Variants in RGL1 observed in about 807,000 individuals in gnomAD.
RGL1 encodes the protein ral guanine nucleotide dissociation stimulator like 1.
A neutral mutation model predicts 95.2 loss-of-function variants in RGL1; 24 were observed. The observed-to-expected ratio is 0.25, with a 90% CI of 0.18 to 0.35. The LOEUF (loss-of-function observed/expected upper bound fraction) is 0.35. Among genes scored for constraint, RGL1 ranks in the 10% least tolerant of loss-of-function variants. The probability of loss-of-function intolerance (pLI) is 1.00; values close to 1 mark genes in which losing one functional copy is unlikely to be tolerated. For synonymous variants in RGL1, 329 were observed against 344.9 expected (o/e 0.95, Z 0.51); for missense variants, 715 against 936.3 (o/e 0.76, Z 3.08).
chr1:183,672,147 G>T (rs1652509223), intron 1 of RGL1, among the ~76,000 whole-genome samples: 1 of 151,940 alleles, frequency 6.6e-6, no homozygotes, highest in Admixed American at 6.6e-5. Context: ...TGGCCAGGCT[G>T]GTTTCAAACT....
chr1:183,915,362 G>A (rs1484448293), intron 15 of RGL1, among the ~76,000 whole-genome samples: 1 of 152,124 alleles, frequency 6.6e-6, no homozygotes, highest in East Asian at 1.9e-4. Flanking sequence ...ATAATAATGG[G>A]TATTTTAAAT....
intron 2 of RGL1, among the ~76,000 whole-genome samples, chr1:183,817,750 T>C (rs984714701): frequency 1.3e-5 from 2 of 152,236 alleles, no homozygotes; most frequent in East Asian, 3.8e-4. Flanking sequence ...TCCCTGAATC[T>C]ACTGACTGTG....
At chr1:183,686,191 T>A (rs568971017) in intron 1 of RGL1, among the ~76,000 whole-genome samples, 83 of 152,332 alleles carry the variant, frequency 5.4e-4, no homozygotes, top group African/African-American at 2.0e-3. Flanking sequence ...CCCTTTTGTG[T>A]CACTTTCTTT....
intron 2 of RGL1, among the ~76,000 whole-genome samples, chr1:183,831,794 T>TCTAGC (rs1323027282): frequency 9.2e-5 from 14 of 152,322 alleles, no homozygotes; most frequent in African/African-American, 3.1e-4. Context: ...TCTAGAGATT[T>TCTAGC]AAATATGAAT....
intron 1 of RGL1, among the ~76,000 whole-genome samples, chr1:183,660,205 CAA>C (rs1255641675): frequency 6.6e-6 from 1 of 152,048 alleles, no homozygotes; most frequent in African/African-American, 2.4e-5. Context: ...TCACCCATAA[CAA>C]TATTAATTTT....
chr1:183,712,402 T>A (rs1203895830), intron 1 of RGL1, among the ~76,000 whole-genome samples: 1 of 152,216 alleles, frequency 6.6e-6, no homozygotes, highest in Non-Finnish European at 1.5e-5. Context: ...TCAGCTGCAA[T>A]AACTCCTGCT....
chr1:183,642,374 G>A (rs1362582957), intron 1 of RGL1, among the ~76,000 whole-genome samples: 1 of 152,200 alleles, frequency 6.6e-6, no homozygotes, highest in Non-Finnish European at 1.5e-5. Flanking sequence ...TTTGGCCAAT[G>A]ATATTCAATC....
intron 2 of RGL1, among the ~76,000 whole-genome samples, chr1:183,789,398 C>T (rs368357664): frequency 1.3e-5 from 2 of 152,040 alleles, no homozygotes; most frequent in South Asian, 4.2e-4. Flanking sequence ...TGTAGTGAGC[C>T]GAGATTGTGC....
intron 4 of RGL1, among the ~76,000 whole-genome samples, chr1:183,879,587 G>T (rs1666709683): frequency 6.6e-6 from 1 of 152,180 alleles, no homozygotes; most frequent in Non-Finnish European, 1.5e-5. Context: ...TTAATGTATA[G>T]TCCCTGTCAT....
intron 1 of RGL1, among the ~76,000 whole-genome samples, chr1:183,669,212 G>A (rs1432570863): frequency 6.6e-6 from 1 of 152,096 alleles, no homozygotes. Context: ...AAAGTGCTGG[G>A]ATTACATGGA....
At chr1:183,760,117 T>A (rs1279935183) in intron 2 of RGL1, among the ~76,000 whole-genome samples, 1 of 152,230 alleles carries the variant, frequency 6.6e-6, no homozygotes, top group East Asian at 1.9e-4. Context: ...TACATTATAC[T>A]GTAGGCTATT....
At chr1:183,922,816 A>G (rs1669390517) in intron 17 of RGL1, among the ~76,000 whole-genome samples, 1 of 152,234 alleles carries the variant, frequency 6.6e-6, no homozygotes, top group Non-Finnish European at 1.5e-5. Flanking sequence ...TCAATTTTAA[A>G]ATAACACAAA....
At chr1:183,834,554 C>T (rs1663500912) in intron 2 of RGL1, among the ~76,000 whole-genome samples, 1 of 136,010 alleles carries the variant, frequency 7.4e-6, no homozygotes. Flanking sequence ...TTTCTTTACA[C>T]GTCATTAAAT....
intron 2 of RGL1, among the ~76,000 whole-genome samples, chr1:183,757,736 C>T (rs1658432666): frequency 2.0e-5 from 3 of 152,056 alleles, no homozygotes; most frequent in Admixed American, 2.0e-4. Flanking sequence ...TTGTCACAGC[C>T]ATAGGTACAT....
At chr1:183,752,609 G>T (rs1658075205) in intron 2 of RGL1, among the ~76,000 whole-genome samples, 1 of 80,958 alleles carries the variant, frequency 1.2e-5, no homozygotes, top group South Asian at 5.8e-4. Flanking sequence ...CTCAGCTCGA[G>T]AACACTTTTT....
chr1:183,866,053 G>A lies in RGL1; in HGVS notation c.405G>A (p.Glu135=). 1.9e-6 allele frequency: 3 copies of A among 1,613,768 alleles called. No individual in the cohort carries two copies. Among genetic ancestry groups the A allele is most frequent in the Non-Finnish European group, 2.5e-6 (3 of 1,179,738 alleles). Residue 135 remains glutamate (E), a synonymous_variant, in exon 4 of 18, where the codon GAG becomes GAA. Coordinates refer to ENST00000360851, the MANE Select transcript of RGL1 (RefSeq NM_001297671.3). Reference sequence around the variant, plus strand: ...AAGATGGAAGCCAAAGTTCATCAGAGTCCAAAATGGTGATCAGGAAGTGAG... The same window carrying A: ...AAGATGGAAGCCAAAGTTCATCAGAATCCAAAATGGTGATCAGGAAGTGAG... ...CEEDGSQSSS[E]SKMVIRNAIA...
intron 15 of RGL1, among the ~76,000 whole-genome samples, chr1:183,915,542 A>G (rs1668907492): frequency 6.6e-6 from 1 of 152,204 alleles, no homozygotes; most frequent in African/African-American, 2.4e-5. Context: ...AGTTGGCTCT[A>G]CTAGCAAATG....
chr1:183,685,731 T>C (rs572897156), intron 1 of RGL1, among the ~76,000 whole-genome samples: 1 of 152,306 alleles, frequency 6.6e-6, no homozygotes, highest in East Asian at 1.9e-4. Context: ...CAGATAATAA[T>C]CCTGTTTCCT....
chr1:183,814,493 G>A (rs1661951748), intron 2 of RGL1, among the ~76,000 whole-genome samples: 1 of 152,080 alleles, frequency 6.6e-6, no homozygotes, highest in Non-Finnish European at 1.5e-5. Context: ...GCCATCTGTG[G>A]TCCATTCATT....
Sources: gnomAD v4.1 joint callset for allele counts (sites outside exome capture counted in the v4.1 genomes callset) on GRCh38, gnomAD v4.1.1 for gene constraint, MANE v1.5 for transcripts, NCBI Gene and HGNC (gene_info 2026-07-23, HGNC 2026-07-21) for gene names.